The following NRXN1 variants were observed in gnomAD, a reference collection of about 807,000 sequenced individuals.
NRXN1 encodes the protein neurexin 1.
In NRXN1, 39 loss-of-function variants were observed where a neutral mutation model predicts 150.9. That is an observed-to-expected ratio of 0.26 (90% CI 0.20 to 0.34). The LOEUF (loss-of-function observed/expected upper bound fraction) is 0.34. NRXN1 is among the 10% of genes least tolerant of loss of function. The probability of loss-of-function intolerance (pLI) is 1.00; values close to 1 mark genes in which losing one functional copy is unlikely to be tolerated. For missense variants in NRXN1, 1,815 were observed against 1,949.9 expected (o/e 0.93, Z 1.30); for synonymous variants, 924 against 757.0 (o/e 1.22, Z -3.62).
At chr2:50,449,131 A>G (rs547694286) in intron 17 of NRXN1, among the ~76,000 whole-genome samples, 82 of 152,324 alleles carry the variant, frequency 5.4e-4, no homozygotes, top group African/African-American at 1.9e-3. Flanking sequence ...CTTTGATTTT[A>G]GAGCATATTA....
chr2:50,899,822 T>G (rs1407056742), intron 5 of NRXN1, among the ~76,000 whole-genome samples: 1 of 152,306 alleles, frequency 6.6e-6, no homozygotes, highest in East Asian at 1.9e-4. Context: ...ATACATGAAC[T>G]GCAGTTTAAG....
chr2:50,143,088 G>A (rs1707504260), intron 18 of NRXN1, among the ~76,000 whole-genome samples: 1 of 150,990 alleles, frequency 6.6e-6, no homozygotes, highest in Non-Finnish European at 1.5e-5. Context: ...ACTAAACCAA[G>A]AAATATGAAC....
At chr2:50,797,678 A>C (rs2105661104) in intron 5 of NRXN1, among the ~76,000 whole-genome samples, 1 of 152,264 alleles carries the variant, frequency 6.6e-6, no homozygotes, top group Middle Eastern at 3.4e-3. Flanking sequence ...ATTCCAGCGC[A>C]ATCTCTGGAA....
At chr2:50,886,435 C>T (rs1323856033) in intron 5 of NRXN1, among the ~76,000 whole-genome samples, 1 of 151,144 alleles carries the variant, frequency 6.6e-6, no homozygotes, top group Non-Finnish European at 1.5e-5. Context: ...GGTTTCTATT[C>T]AAATTAATAT....
At chr2:50,296,532 A>ATTATTATTT (rs2073590181) in intron 17 of NRXN1, among the ~76,000 whole-genome samples, 1 of 149,584 alleles carries the variant, frequency 6.7e-6, no homozygotes, top group African/African-American at 2.5e-5. Flanking sequence ...TATTATTATT[A>ATTATTATTT]TTATCATTAT....
Position 50,346,729 on chromosome 2 carries a change from G to C in NRXN1, c.3365-109759C>G, listed in dbSNP as rs2078009570. On this transcript the variant is annotated intron_variant, in intron 17 of 22. Coordinates refer to ENST00000401669, the MANE Select transcript of NRXN1 (RefSeq NM_001330078.2). This position sits in a 1 kb window ranked among gnomAD's most constrained non-coding sequence, Gnocchi z 5.0. ...CAAGGATGCCGGTGACCTGTAGATT[G>C]CAATAGGCACTGAATGATGCTTGCT... 6.2e-7 allele frequency: 1 copy of C among 1,613,910 alleles called. No individual in the cohort carries two copies. The highest frequency in any genetic ancestry group is 8.5e-7 in the Non-Finnish European group (1 of 1,179,932).
At chr2:50,943,536 T>C (rs1440886374) in intron 2 of NRXN1, among the ~76,000 whole-genome samples, 1 of 152,226 alleles carries the variant, frequency 6.6e-6, no homozygotes, top group Non-Finnish European at 1.5e-5. Context: ...GGAAATGTTC[T>C]ATGAAACTTA....
intron 18 of NRXN1, among the ~76,000 whole-genome samples, chr2:50,154,495 T>C (rs1057150414): frequency 2.2e-4 from 34 of 151,806 alleles, no homozygotes; most frequent in African/African-American, 8.2e-4. Context: ...GACAGCTTTC[T>C]ATCCGGTAAA....
intron 8 of NRXN1, among the ~76,000 whole-genome samples, chr2:50,593,170 T>C: frequency 6.6e-6 from 1 of 152,186 alleles, no homozygotes; most frequent in East Asian, 1.9e-4. Flanking sequence ...ACTTATAAAC[T>C]TAAGCATGAT....
chr2:50,140,670 T>TCTC (rs201807117), intron 18 of NRXN1, among the ~76,000 whole-genome samples: 112 of 99,766 alleles, frequency 1.1e-3, no homozygotes, highest in African/African-American at 3.6e-3. Context: ...TTTCTCTCTC[T>TCTC]TTTTTTTTTT....
intron 17 of NRXN1, among the ~76,000 whole-genome samples, chr2:50,414,405 G>A (rs554922118): frequency 1.1e-4 from 17 of 151,446 alleles, no homozygotes; most frequent in African/African-American, 2.4e-4. Flanking sequence ...AATATTTTTC[G>A]AAATATACCC....
chr2:50,705,397 G>C (rs1163629998), intron 5 of NRXN1, among the ~76,000 whole-genome samples: 1 of 152,064 alleles, frequency 6.6e-6, no homozygotes, highest in Non-Finnish European at 1.5e-5. Context: ...CAAAGTATTT[G>C]AGGGCTTTGT....
intron 5 of NRXN1, among the ~76,000 whole-genome samples, chr2:50,718,693 C>A (rs1049077801): frequency 6.6e-6 from 1 of 152,078 alleles, no homozygotes; most frequent in Non-Finnish European, 1.5e-5. Context: ...AAGAGACAAG[C>A]CCTTTGTATG....
intron 5 of NRXN1, among the ~76,000 whole-genome samples, chr2:50,910,279 C>T (rs774440217): frequency 2.6e-5 from 4 of 151,904 alleles, no homozygotes; most frequent in Non-Finnish European, 1.5e-5. Context: ...ATTAGACACC[C>T]AATACTCTGC....
At chr2:50,458,176 G>A (rs1380050183) in intron 17 of NRXN1, among the ~76,000 whole-genome samples, 2 of 152,048 alleles carry the variant, frequency 1.3e-5, no homozygotes, top group Non-Finnish European at 2.9e-5. Context: ...AAACAAGCCA[G>A]GCTCAGAAAG....
chr2:50,886,622 A>G (rs1259240984), intron 5 of NRXN1, among the ~76,000 whole-genome samples: 4 of 151,460 alleles, frequency 2.6e-5, no homozygotes, highest in African/African-American at 7.3e-5. Context: ...TTCTATTATT[A>G]AAGTCTGTAT....
At chr2:50,325,118 C>T (rs1385060250) in intron 17 of NRXN1, among the ~76,000 whole-genome samples, 2 of 152,046 alleles carry the variant, frequency 1.3e-5, no homozygotes, top group Admixed American at 1.3e-4. Flanking sequence ...AATTTCTGTA[C>T]CCTGACATCA....
At chr2:49,951,425 T>G (rs939429754) in intron 21 of NRXN1, among the ~76,000 whole-genome samples, 1 of 151,960 alleles carries the variant, frequency 6.6e-6, no homozygotes, top group African/African-American at 2.4e-5. Flanking sequence ...GTAGAAGGAC[T>G]GGCAAAATAA....
In NRXN1 at chr2:49,987,589, C is replaced by T. The variant is rs548083090; in HGVS notation, c.4129-43798G>A. Among the ~76,000 whole-genome samples the T allele has an allele frequency of 1.3e-3, 198 of 152,038 alleles. 1 individual carries two copies. The highest frequency in any genetic ancestry group is 4.8e-3 in the South Asian group (23 of 4,814). On this transcript the variant is annotated intron_variant, in intron 21 of 22. Transcript: ENST00000401669. Reference sequence around the variant, plus strand: ...CAACATGTAATATTGATTCAATGACCCATTGATAGATTGAAGCCTATAGTG... The same window carrying T: ...CAACATGTAATATTGATTCAATGACTCATTGATAGATTGAAGCCTATAGTG...
Sources: allele counts gnomAD v4.1 joint callset (sites outside exome capture counted in the v4.1 genomes callset), GRCh38; gene constraint gnomAD v4.1.1; non-coding constraint Gnocchi (gnomAD v3.1); transcripts MANE v1.5; gene names NCBI Gene and HGNC (gene_info 2026-07-23, HGNC 2026-07-21).